The following FARS2 variants were observed in gnomAD, a reference collection of about 807,000 sequenced individuals.
FARS2 encodes phenylalanine--tRNA ligase, mitochondrial.
Under a neutral mutation model 46.4 loss-of-function variants are expected in FARS2, and 40 were observed. The ratio of observed to expected loss-of-function variants is 0.86; its 90% CI spans 0.67 to 1.12. FARS2 has a LOEUF of 1.12. Among genes scored for constraint, FARS2 ranks in the 50% most tolerant of loss-of-function variants. The pLI is 0.00. For synonymous variants in FARS2, 234 were observed against 214.9 expected (o/e 1.09, Z -0.78); for missense variants, 513 against 567.9 (o/e 0.90, Z 0.98).
intron 2 of FARS2, among the ~76,000 whole-genome samples, chr6:5,377,787 C>G (rs1199065087): frequency 6.6e-6 from 1 of 152,020 alleles, no homozygotes; most frequent in South Asian, 2.1e-4. Flanking sequence ...TTGCCACTTT[C>G]CTGAGTGTTA....
intron 6 of FARS2, among the ~76,000 whole-genome samples, chr6:5,762,007 A>G (rs1434884875): frequency 6.6e-6 from 1 of 152,134 alleles, no homozygotes; most frequent in Non-Finnish European, 1.5e-5. Flanking sequence ...TGGGTTCCCA[A>G]CTTGCATTTC....
At chr6:5,769,806 G>T (rs1762940325) in intron 6 of FARS2, among the ~76,000 whole-genome samples, 2 of 152,186 alleles carry the variant, frequency 1.3e-5, no homozygotes, top group Non-Finnish European at 2.9e-5. Context: ...TCCTCCTGTG[G>T]CTTGATCCAA....
chr6:5,313,244 A>G (rs979051387), intron 1 of FARS2, among the ~76,000 whole-genome samples: 1 of 152,154 alleles, frequency 6.6e-6, no homozygotes, highest in African/African-American at 2.4e-5. Flanking sequence ...ATGTGCTACC[A>G]CATTCTCTAT....
intron 4 of FARS2, among the ~76,000 whole-genome samples, chr6:5,528,782 G>A (rs9502312): frequency 0.022 from 3,300 of 152,308 alleles, 42 homozygotes; most frequent in Middle Eastern, 0.027. Context: ...CCCTATAAAA[G>A]CAACAGGTAT....
In FARS2 at chr6:5,752,512, G is replaced by A. The variant is rs143817204; in HGVS notation, c.1218-18779G>A. ...TTCAGAATGGCTATAGCAAAGTCTCGCTTCAAATGCCACAAACAGCCAGGT... is the reference window on the plus strand; with the variant it reads ...TTCAGAATGGCTATAGCAAAGTCTCACTTCAAATGCCACAAACAGCCAGGT... On this transcript the variant is annotated intron_variant, in intron 6 of 6. Coordinates refer to ENST00000274680, the MANE Select transcript of FARS2 (RefSeq NM_006567.5). Among the ~76,000 whole-genome samples, 269 of 152,240 alleles carry A rather than the reference G, an allele frequency of 1.8e-3. 4 individuals carry two copies. The highest frequency in any genetic ancestry group is 0.013 in the East Asian group (69 of 5,178).
chr6:5,267,115 G>T, intron 1 of FARS2, among the ~76,000 whole-genome samples: 1 of 148,820 alleles, frequency 6.7e-6, no homozygotes, highest in African/African-American at 2.5e-5. Context: ...TTTATTTTGT[G>T]TAAAGTATTT....
intron 2 of FARS2, among the ~76,000 whole-genome samples, chr6:5,397,739 G>A (rs949496895): frequency 5.3e-5 from 8 of 152,046 alleles, no homozygotes; most frequent in African/African-American, 1.9e-4. Flanking sequence ...TTCAATCTAG[G>A]ATTACATGTT....
At chr6:5,355,280 CTTCT>C (rs931973191) in intron 1 of FARS2, among the ~76,000 whole-genome samples, 11 of 150,814 alleles carry the variant, frequency 7.3e-5, no homozygotes, top group Middle Eastern at 3.4e-3. Context: ...TTTGAATTTA[CTTCT>C]TTCTATTTTC....
chr6:5,468,227 C>G (rs1045811582), intron 4 of FARS2, among the ~76,000 whole-genome samples: 1 of 152,088 alleles, frequency 6.6e-6, no homozygotes, highest in African/African-American at 2.4e-5. Context: ...AGTGGCATTT[C>G]TCATTCTACG....
At chr6:5,496,885 T>G (rs1047349490) in intron 4 of FARS2, among the ~76,000 whole-genome samples, 3 of 152,154 alleles carry the variant, frequency 2.0e-5, no homozygotes, top group Non-Finnish European at 2.9e-5. Context: ...GGTCTCACTA[T>G]ATTGCCTAGG....
chr6:5,355,124 TC>T (rs1757832265), intron 1 of FARS2, among the ~76,000 whole-genome samples: 2 of 152,148 alleles, frequency 1.3e-5, no homozygotes, highest in Non-Finnish European at 2.9e-5. Flanking sequence ...GTATCCTACT[TC>T]CTGTAGCTCC....
intron 6 of FARS2, among the ~76,000 whole-genome samples, chr6:5,734,899 C>T (rs1163136074): frequency 6.6e-6 from 1 of 152,080 alleles, no homozygotes; most frequent in Non-Finnish European, 1.5e-5. Context: ...AGATAGAAAC[C>T]GTTAGTGTAG....
At chr6:5,638,482 T>C (rs972432469) in intron 6 of FARS2, among the ~76,000 whole-genome samples, 16 of 152,192 alleles carry the variant, frequency 1.1e-4, no homozygotes, top group African/African-American at 3.9e-4. Flanking sequence ...GGAGAATCGC[T>C]TGAACCCGGG....
chr6:5,456,328 C>T (rs1193905880), intron 4 of FARS2, among the ~76,000 whole-genome samples: 1 of 152,182 alleles, frequency 6.6e-6, no homozygotes, highest in African/African-American at 2.4e-5. Flanking sequence ...GTGTTCTTGT[C>T]CTCCTACAGC....
chr6:5,366,901 C>T (rs1164666624), intron 1 of FARS2, among the ~76,000 whole-genome samples: 2 of 152,164 alleles, frequency 1.3e-5, no homozygotes, highest in African/African-American at 4.8e-5. Context: ...AATTCATATC[C>T]ACTGCAGTGA....
chr6:5,496,155 G>C (rs1311071508), intron 4 of FARS2, among the ~76,000 whole-genome samples: 3 of 151,978 alleles, frequency 2.0e-5, no homozygotes, highest in Non-Finnish European at 4.4e-5. Flanking sequence ...TTTTGGTTGG[G>C]GGTGGAAGGA....
chr6:5,526,425 G>GAC (rs10629858), intron 4 of FARS2, among the ~76,000 whole-genome samples: 89,786 of 151,706 alleles, frequency 0.59, 27,333 homozygotes, highest in African/African-American at 0.7. Context: ...TAGAGCAGCT[G>GAC]ATCCCTTTTA....
chr6:5,490,329 G>T (rs1408561637), intron 4 of FARS2, among the ~76,000 whole-genome samples: 1 of 152,172 alleles, frequency 6.6e-6, no homozygotes, highest in Non-Finnish European at 1.5e-5. Flanking sequence ...CCAGTTTGGG[G>T]CTGTTGTGTA....
chr6:5,391,062 G>A (rs1231805932), intron 2 of FARS2, among the ~76,000 whole-genome samples: 5 of 152,226 alleles, frequency 3.3e-5, no homozygotes, highest in Non-Finnish European at 7.3e-5. Context: ...GGTGCCTAAA[G>A]CAGTAGAAGT....
Sources: gnomAD v4.1 joint callset for allele counts (sites outside exome capture counted in the v4.1 genomes callset) on GRCh38, gnomAD v4.1.1 for gene constraint, MANE v1.5 for transcripts, NCBI Gene and HGNC (gene_info 2026-07-23, HGNC 2026-07-21) for gene names.